Variants in DPP10 observed in about 807,000 individuals in gnomAD.
The protein encoded by DPP10 is dipeptidyl peptidase like 10, also known as inactive dipeptidyl peptidase 10.
Under a neutral mutation model 120.9 loss-of-function variants are expected in DPP10, and 33 were observed. The ratio of observed to expected loss-of-function variants is 0.27; its 90% confidence interval spans 0.21 to 0.37. The LOEUF (loss-of-function observed/expected upper bound fraction) is 0.37. Among genes scored for constraint, DPP10 ranks in the 10% least tolerant of loss-of-function variants. DPP10 has a pLI of 1.00. For synonymous variants in DPP10, 337 were observed against 326.1 expected (o/e 1.03, Z -0.36); for missense variants, 816 against 942.8 (o/e 0.87, Z 1.76).
In DPP10 at chr2:115,242,337, A is replaced by T. The variant is rs200154502; in HGVS notation, c.61-66902A>T. 2.5e-3 allele frequency among the ~76,000 whole-genome samples: 325 copies of T among 131,344 alleles called. 4 individuals carry two copies. Among genetic ancestry groups the T allele is most frequent in the East Asian group, 0.015 (66 of 4,426 alleles). The allele number at this position is 131,344 out of a possible 152,430, so 86.2% of individuals were successfully genotyped here. On this transcript the variant is annotated intron_variant, in intron 1 of 25. Coordinates refer to ENST00000410059, the MANE Select transcript of DPP10 (RefSeq NM_020868.6). ...GTTGCTGTGAATGCCATTAATTCAC[A>T]TTTTTTTTTCTTTTATGGCTGAGTA...
intron 9 of DPP10, 98 bp from the exon 10 acceptor site, chr2:115,745,988 T>C: frequency 1.1e-6 from 1 of 876,952 alleles, no homozygotes; most frequent in East Asian, 3.0e-5. Flanking sequence ...TTTTCTTTTC[T>C]AACACAAAAC....
intron 5 of DPP10, among the ~76,000 whole-genome samples, chr2:115,634,346 G>C (rs558615973): frequency 6.6e-6 from 1 of 152,304 alleles, no homozygotes; most frequent in Non-Finnish European, 1.5e-5. Flanking sequence ...AGTTTATCCA[G>C]CTTTGATCAC....
intron 13 of DPP10, among the ~76,000 whole-genome samples, chr2:115,771,655 C>A (rs1006008316): frequency 4.6e-5 from 7 of 152,032 alleles, no homozygotes; most frequent in Admixed American, 2.6e-4. Context: ...CTTTTTACCC[C>A]CTTTCCTTCC....
At chr2:114,642,761 A>T (rs1695805545) in intron 1 of DPP10, among the ~76,000 whole-genome samples, 1 of 151,936 alleles carries the variant, frequency 6.6e-6, no homozygotes. Context: ...GTTTCTTAAC[A>T]ACTGCTTAAC....
chr2:114,728,411 A>G (rs1676558168), intron 1 of DPP10, among the ~76,000 whole-genome samples: 1 of 152,144 alleles, frequency 6.6e-6, no homozygotes, highest in Non-Finnish European at 1.5e-5. Context: ...TGGGAAACTG[A>G]CATTATTCTG....
intron 3 of DPP10, among the ~76,000 whole-genome samples, chr2:115,379,492 T>C (rs1195806130): frequency 6.6e-6 from 1 of 152,184 alleles, no homozygotes; most frequent in Non-Finnish European, 1.5e-5. Context: ...GTTGATCCTT[T>C]CAAAAAACCA....
chr2:115,801,343 G>A (rs181543381), intron 19 of DPP10, among the ~76,000 whole-genome samples: 223 of 152,260 alleles, frequency 1.5e-3, no homozygotes, highest in African/African-American at 5.0e-3. Flanking sequence ...GGCCTGAGAC[G>A]ATGGGGTTTT....
intron 3 of DPP10, among the ~76,000 whole-genome samples, chr2:115,426,928 AACTTATTT>A (rs1302107739): frequency 6.6e-6 from 1 of 152,258 alleles, no homozygotes; most frequent in Non-Finnish European, 1.5e-5. Context: ...AATAAAAATT[AACTTATTT>A]ACTTACAAGA....
chr2:115,064,440 C>A (rs958734521), intron 1 of DPP10: 1 of 218,102 alleles, frequency 4.6e-6, no homozygotes, highest in Non-Finnish European at 9.9e-6. Flanking sequence ...CCCCCAGAAG[C>A]TATATGACTG....
intron 2 of DPP10, 79 bp from the exon 3 acceptor site, chr2:115,343,738 T>C: frequency 1.1e-6 from 1 of 929,450 alleles, no homozygotes; most frequent in East Asian, 2.5e-5. Context: ...TTAGAGCAAA[T>C]ATTCCAAATT....
At chr2:115,495,598 A>G (rs1031364789) in intron 3 of DPP10, among the ~76,000 whole-genome samples, 1 of 152,130 alleles carries the variant, frequency 6.6e-6, no homozygotes, top group Non-Finnish European at 1.5e-5. Flanking sequence ...GGTATAAAAT[A>G]TAAGGCTGCA....
At chr2:115,448,106 G>A (rs1234830476) in intron 3 of DPP10, among the ~76,000 whole-genome samples, 1 of 152,262 alleles carries the variant, frequency 6.6e-6, no homozygotes, top group Admixed American at 6.5e-5. Flanking sequence ...CAGGTCTGAG[G>A]TACAGTGAAT....
intron 1 of DPP10, among the ~76,000 whole-genome samples, chr2:114,896,581 AT>A (rs1693022765): frequency 1.3e-5 from 2 of 152,076 alleles, no homozygotes; most frequent in Non-Finnish European, 2.9e-5. Flanking sequence ...TTGTACATTG[AT>A]TTTGTATCCT....
At chr2:115,610,887 C>A (rs1383240834) in intron 5 of DPP10, among the ~76,000 whole-genome samples, 1 of 152,078 alleles carries the variant, frequency 6.6e-6, no homozygotes, top group African/African-American at 2.4e-5. Flanking sequence ...AAATGAATAT[C>A]TTTAGAAATA....
intron 5 of DPP10, among the ~76,000 whole-genome samples, chr2:115,616,896 A>G (rs192725414): frequency 1.7e-4 from 26 of 152,146 alleles, no homozygotes; most frequent in Middle Eastern, 6.8e-3. Context: ...TCTATGTTCA[A>G]TCATCTACTG....
chr2:115,252,263 G>A (rs10496482), intron 1 of DPP10, among the ~76,000 whole-genome samples: 69,546 of 151,826 alleles, frequency 0.46, 16,974 homozygotes, highest in Non-Finnish European at 0.56. Flanking sequence ...TAAAATTTGG[G>A]CACACTGGAT....
At chr2:115,523,575 T>C (rs1423393300) in intron 4 of DPP10, among the ~76,000 whole-genome samples, 12 of 152,108 alleles carry the variant, frequency 7.9e-5, no homozygotes, top group Admixed American at 7.9e-4. Context: ...GACATTGCCC[T>C]ATCAGTCTTT....
At chr2:115,765,652 T>C (rs1680619739) in intron 12 of DPP10, among the ~76,000 whole-genome samples, 2 of 151,874 alleles carry the variant, frequency 1.3e-5, no homozygotes, top group African/African-American at 2.4e-5. Context: ...AAGTAAAAAA[T>C]GAGTAAGATT....
intron 1 of DPP10, among the ~76,000 whole-genome samples, chr2:114,739,652 C>A (rs558162003): frequency 9.3e-4 from 141 of 152,230 alleles, no homozygotes; most frequent in African/African-American, 3.0e-3. Flanking sequence ...GAGCAAGACT[C>A]CATCACACAC....
Sources: allele counts gnomAD v4.1 joint callset (sites outside exome capture counted in the v4.1 genomes callset), GRCh38; gene constraint gnomAD v4.1.1; transcripts MANE v1.5; gene names NCBI Gene and HGNC (gene_info 2026-07-23, HGNC 2026-07-21).